The following ABCA1 variants were observed in gnomAD, a reference collection of about 807,000 sequenced individuals.
The protein encoded by ABCA1 is ATP binding cassette subfamily A member 1, also known as phospholipid-transporting ATPase ABCA1.
In ABCA1, 133 loss-of-function variants were observed where a neutral mutation model predicts 262.5. The ratio of observed to expected loss-of-function variants is 0.51; its 90% CI spans 0.44 to 0.59. ABCA1 has a LOEUF of 0.59. ABCA1 is among the 20% of genes least tolerant of loss of function. ABCA1 has a pLI of 0.00. For missense variants in ABCA1, 2,452 were observed against 2,777.5 expected (o/e 0.88, Z 2.63); for synonymous variants, 1,022 against 1,043.5 (o/e 0.98, Z 0.40).
chr9:104,876,061 G>T (rs998225392), intron 5 of ABCA1, among the ~76,000 whole-genome samples: 12 of 152,174 alleles, frequency 7.9e-5, no homozygotes, highest in African/African-American at 2.7e-4. Context: ...TGACTCAGAA[G>T]TTGCTGAGTT....
At chr9:104,907,314 C>T (rs1814734007) in intron 1 of ABCA1, among the ~76,000 whole-genome samples, 1 of 152,158 alleles carries the variant, frequency 6.6e-6, no homozygotes, top group African/African-American at 2.4e-5. Flanking sequence ...TGATATCCTC[C>T]CCTGCAACTG....
In ABCA1 at chr9:104,788,042, C is replaced by A. The variant is rs1829076987; in HGVS notation, c.6082G>T (p.Ala2028Ser). 6.2e-7 allele frequency: 1 copy of A among 1,614,058 alleles called. No homozygotes were observed. The highest frequency in any genetic ancestry group is 1.3e-5 in the African/African-American group (1 of 74,928). Residue 2028 changes from alanine (A) to serine (S), a missense_variant, in exon 46 of 50, where the codon GCG becomes TCG. Transcript: ENST00000374736. ...TTCACGAGGCCCAGTTTCCGAATCG[C>A]CCACTCACCAACCTACAGTGATAAA... ...EKEVGKVGEW[A>S]IRKLGLVKYG...
In ABCA1 at chr9:104,802,138, A is replaced by T; in HGVS notation, c.4614T>A (p.Gly1538=). ...NEFRYGGFSL[G]VSNTQALPPS... ...GAGGAAGTGCTTGAGTATTACTGACACCCAGGGAAAAGCCGCCATACCTAA... is the reference window on the plus strand; with the variant it reads ...GAGGAAGTGCTTGAGTATTACTGACTCCCAGGGAAAAGCCGCCATACCTAA... The change falls in exon 34 of 50, where the codon GGT becomes GGA. Residue 1538 remains glycine (G), a synonymous_variant. Transcript: ENST00000374736. 1.2e-6 allele frequency: 2 copies of T among 1,613,680 alleles called. No homozygotes were observed. Among genetic ancestry groups the T allele is most frequent in the African/African-American group, 2.7e-5 (2 of 74,980 alleles).
At position 104,817,210 on chromosome 9, in the gene ABCA1, C is replaced by T. The variant is rs1831853086; in HGVS notation, c.3535+122G>A. ...TCCCACACCCGCAGCCACCCAGCCC[C>T]AGCCCAGCAGCAAACCTTGAGTCAG... is the stretch of plus-strand genomic sequence containing the variant. On this transcript the variant is annotated intron_variant, in intron 24 of 49. Transcript: ENST00000374736. This position sits in a 1 kb window ranked among gnomAD's most constrained non-coding sequence, Gnocchi z 4.7. 6.3e-7 allele frequency: 1 copy of T among 1,585,610 alleles called. No homozygotes were observed. The highest frequency in any genetic ancestry group is 8.6e-7 in the Non-Finnish European group (1 of 1,169,144).
At chr9:104,862,247 G>A (rs1344668663) in intron 5 of ABCA1, among the ~76,000 whole-genome samples, 1 of 151,974 alleles carries the variant, frequency 6.6e-6, no homozygotes, top group Non-Finnish European at 1.5e-5. Context: ...GGGATTACAG[G>A]TATGCATCAC....
At chr9:104,903,570 G>GA (rs1333961242) in intron 2 of ABCA1, 44 bp downstream of exon 2, 11 of 1,549,144 alleles carry the variant, frequency 7.1e-6, no homozygotes, top group Admixed American at 1.9e-5. Flanking sequence ...AAACCACAAA[G>GA]AAAAAATGAG....
chr9:104,825,872 C>T lies in ABCA1; in HGVS notation c.2353G>A (p.Val785Met). The change falls in exon 17 of 50, where the codon GTG (valine) becomes ATG (methionine). Residue 785 changes from valine (V) to methionine (M), a missense_variant. Coordinates refer to ENST00000374736, the MANE Select transcript of ABCA1 (RefSeq NM_005502.4). ...LKIFASLLSP[V>M]AFGFGCEYFA... ...TACTCACAGCCAAACCCAAAAGCCA[C>T]AGGAGACAGCAGGCTCTGTGAGAAA... is the stretch of plus-strand genomic sequence containing the variant. 5 of 1,614,080 alleles carry T rather than the reference C, an allele frequency of 3.1e-6. No individual in the cohort carries two copies. Among genetic ancestry groups the T allele is most frequent in the Non-Finnish European group, 4.2e-6 (5 of 1,180,044 alleles).
chr9:104,813,988 C>T (rs530974936), intron 27 of ABCA1, 130 bp downstream of exon 27: 4 of 938,508 alleles, frequency 4.3e-6, no homozygotes, highest in South Asian at 2.8e-5. Context: ...TTACCATTTC[C>T]TCACTTCTCT....
intron 11 of ABCA1, among the ~76,000 whole-genome samples, chr9:104,836,361 T>TTC (rs1035768353): frequency 6.6e-6 from 1 of 152,156 alleles, no homozygotes; most frequent in African/African-American, 2.4e-5. Flanking sequence ...AGTCTAATGA[T>TTC]TCTCTAACTC....
chr9:104,806,515 C>T, intron 30 of ABCA1, 85 bp from the exon 31 acceptor site: 3 of 1,306,678 alleles, frequency 2.3e-6, no homozygotes, highest in African/African-American at 2.9e-5. Context: ...CATTCCGTAA[C>T]AACCACAAAC....
intron 8 of ABCA1, among the ~76,000 whole-genome samples, chr9:104,842,622 G>C (rs1441138477): frequency 6.6e-6 from 1 of 152,154 alleles, no homozygotes; most frequent in Admixed American, 6.5e-5. Flanking sequence ...CTCAGGGAGG[G>C]ATGGCTCTTC....
At chr9:104,831,410 A>T (rs189856458) in intron 13 of ABCA1, among the ~76,000 whole-genome samples, 28 of 152,274 alleles carry the variant, frequency 1.8e-4, no homozygotes, top group Admixed American at 6.5e-5. Flanking sequence ...TAGAAATGCT[A>T]AATCAAAAGA....
At chr9:104,793,053 C>A in intron 41 of ABCA1, 118 bp downstream of exon 41, 2 of 1,583,566 alleles carry the variant, frequency 1.3e-6, no homozygotes, top group South Asian at 1.1e-5. Flanking sequence ...TCAGGAAAAT[C>A]AGTTTTATCA....
At chr9:104,794,364 C>A in intron 40 of ABCA1, 23 bp downstream of exon 40, 1 of 1,613,988 alleles carries the variant, frequency 6.2e-7, no homozygotes, top group Non-Finnish European at 8.5e-7. Flanking sequence ...ATTAAAGCAT[C>A]CTACAGCCAC....
chr9:104,871,999 C>G (rs1468585398), intron 5 of ABCA1, among the ~76,000 whole-genome samples: 2 of 152,084 alleles, frequency 1.3e-5, no homozygotes, highest in Non-Finnish European at 1.5e-5. Flanking sequence ...CTTCCTAAGG[C>G]TGGTCTAGGG....
At position 104,861,751 on chromosome 9, in the gene ABCA1, G is replaced by C. The variant is rs773518130; in HGVS notation, c.471C>G (p.Phe157Leu). The change falls in exon 6 of 50, where the codon TTC (phenylalanine) becomes TTG (leucine). Residue 157 changes from phenylalanine (F) to leucine (L), a missense_variant. Phe to Leu is a conservative substitution (Grantham distance 22). Transcript: ENST00000374736. ...FLVDNETFSG[F>L]LYHNLSLPKS... ...TTGGGAGAGAGAGGTTGTGATACAG[G>C]AACCCAGAGAAGGTTTCATTGTCCA... is the stretch of plus-strand genomic sequence containing the variant. The C allele has an allele frequency of 2.5e-6, 4 of 1,613,460 alleles. No individual in the cohort carries two copies. In the East Asian group the frequency reaches 8.9e-5, roughly 36 times the overall value.
Position 104,838,100 on chromosome 9 carries a change from C to T in ABCA1, c.1055-533G>A, listed in dbSNP as rs547098645. 1.7e-4 allele frequency among the ~76,000 whole-genome samples: 26 copies of T among 152,088 alleles called. No homozygotes were observed. In the East Asian group the frequency reaches 4.1e-3, roughly 24 times the overall value. ...CAGCACTTTGGGAGGCCAAGGCGGG[C>T]GAACCACCTGAGGTTGGGAGTTCGA... On this transcript the variant is annotated intron_variant, in intron 9 of 49. Transcript: ENST00000374736.
At chr9:104,832,963 G>A (rs1833478134) in intron 11 of ABCA1, among the ~76,000 whole-genome samples, 192 bp from the exon 12 acceptor site, 2 of 152,044 alleles carry the variant, frequency 1.3e-5, no homozygotes, top group Non-Finnish European at 2.9e-5. Context: ...TTTTAACCAG[G>A]GCTTGGTCAT....
chr9:104,833,646 C>T (rs1034175096), intron 11 of ABCA1, among the ~76,000 whole-genome samples: 2 of 152,186 alleles, frequency 1.3e-5, no homozygotes, highest in African/African-American at 4.8e-5. Flanking sequence ...TATCACCTTC[C>T]TCTTTTGAGA....
Sources: gnomAD v4.1 joint callset for allele counts (sites outside exome capture counted in the v4.1 genomes callset) on GRCh38, gnomAD v4.1.1 for gene constraint, Gnocchi (gnomAD v3.1) non-coding constraint, MANE v1.5 for transcripts, NCBI Gene and HGNC (gene_info 2026-07-23, HGNC 2026-07-21) for gene names.